The following PREX2 variants were observed in gnomAD, a reference collection of about 807,000 sequenced individuals.
PREX2 encodes phosphatidylinositol 3,4,5-trisphosphate-dependent Rac exchanger 2 protein.
PREX2 carries 107 observed loss-of-function variants against 203.2 expected under a neutral mutation model. The observed-to-expected ratio is 0.53, with a 90% CI of 0.45 to 0.62. The LOEUF is 0.62. PREX2 is among the 20% of genes least tolerant of loss of function. PREX2 has a pLI of 0.00. For missense variants in PREX2, 1,777 were observed against 1,955.9 expected, an observed-to-expected ratio of 0.91 and a Z score of 1.72; for synonymous variants, 672 against 663.6, an observed-to-expected ratio of 1.01 and a Z score of -0.19.
intron 1 of PREX2, among the ~76,000 whole-genome samples, chr8:67,997,771 A>G (rs916842813): frequency 2.0e-5 from 3 of 152,144 alleles, no homozygotes. Context: ...ATCAGTTCTC[A>G]ATATCTTAAA....
At chr8:68,071,414 G>T (rs1809191807) in intron 13 of PREX2, among the ~76,000 whole-genome samples, 2 of 152,164 alleles carry the variant, frequency 1.3e-5, no homozygotes, top group South Asian at 4.1e-4. Flanking sequence ...TGGAAAACAA[G>T]ATGAAATGGG....
chr8:68,199,982 A>G (rs544916969), intron 37 of PREX2, among the ~76,000 whole-genome samples: 10 of 152,314 alleles, frequency 6.6e-5, no homozygotes, highest in African/African-American at 2.4e-4. Flanking sequence ...GGGGATTTCT[A>G]TATGTAGGTT....
intron 31 of PREX2, among the ~76,000 whole-genome samples, chr8:68,133,309 T>G (rs565077180): frequency 6.6e-6 from 1 of 152,242 alleles, no homozygotes; most frequent in South Asian, 2.1e-4. Context: ...GGGATTACAA[T>G]TCAAGATGAG....
intron 39 of PREX2, among the ~76,000 whole-genome samples, chr8:68,229,275 A>T (rs1021828657): frequency 2.0e-5 from 3 of 152,112 alleles, no homozygotes; most frequent in Non-Finnish European, 1.5e-5. Context: ...CCAAAACCAA[A>T]CCTTTTTCGT....
chr8:68,202,186 C>T (rs1028169565), intron 37 of PREX2, among the ~76,000 whole-genome samples: 4 of 152,186 alleles, frequency 2.6e-5, no homozygotes, highest in African/African-American at 9.6e-5. Context: ...AGGGGTGAGC[C>T]ACTGCCCCCA....
At position 68,049,887 on chromosome 8, in the gene PREX2, C is replaced by T. The variant is rs527502974; in HGVS notation, c.944-3210C>T. On this transcript the variant is annotated intron_variant, in intron 8 of 39. Coordinates refer to ENST00000288368, the MANE Select transcript of PREX2 (RefSeq NM_024870.4). ...ATATATGAAGATATTGAACAATGTG[C>T]TATGATTAAAATTGTGAAGCTATTA... 5.3e-5 allele frequency among the ~76,000 whole-genome samples: 8 copies of T among 151,694 alleles called. No individual in the cohort carries two copies. In the East Asian group the frequency reaches 1.6e-3, roughly 30 times the overall value.
intron 1 of PREX2, among the ~76,000 whole-genome samples, chr8:67,999,542 A>T (rs1806878521): frequency 6.6e-6 from 1 of 151,924 alleles, no homozygotes; most frequent in Non-Finnish European, 1.5e-5. Context: ...AGACATACAA[A>T]GAAGAGCTGG....
intron 34 of PREX2, among the ~76,000 whole-genome samples, chr8:68,151,064 G>T (rs1306962718): frequency 6.6e-6 from 1 of 151,856 alleles, no homozygotes; most frequent in African/African-American, 2.4e-5. Context: ...ATTGGATTTG[G>T]GCCTATCATA....
At chr8:68,075,731 C>T (rs1350406305) in intron 14 of PREX2, among the ~76,000 whole-genome samples, 1 of 152,152 alleles carries the variant, frequency 6.6e-6, no homozygotes, top group African/African-American at 2.4e-5. Flanking sequence ...TGAATGAATG[C>T]ATAAAAATTA....
chr8:68,201,994 C>T (rs1329446603), intron 37 of PREX2, among the ~76,000 whole-genome samples: 1 of 150,922 alleles, frequency 6.6e-6, no homozygotes, highest in Non-Finnish European at 1.5e-5. Context: ...GCAACCTCCA[C>T]CTCCTGGGTT....
chr8:68,067,328 A>T (rs1809046170), intron 11 of PREX2, among the ~76,000 whole-genome samples: 1 of 152,092 alleles, frequency 6.6e-6, no homozygotes, highest in Non-Finnish European at 1.5e-5. Context: ...ACATTTTAAC[A>T]ATATTAATTC....
intron 38 of PREX2, among the ~76,000 whole-genome samples, chr8:68,222,502 C>G (rs1287554822): frequency 6.6e-6 from 1 of 150,654 alleles, no homozygotes; most frequent in Non-Finnish European, 1.5e-5. Context: ...TATGAGTCCA[C>G]ACTGATTTAA....
chr8:68,132,590 G>A lies in PREX2; in HGVS notation c.3767-1469G>A, dbSNP rs190938291. ...ATTATGTGTACACATGCCTTTGATG[G>A]TTATTAAAAACAGATGTTCAGTGTT... On this transcript the variant is annotated intron_variant, in intron 31 of 39. Coordinates refer to ENST00000288368, the MANE Select transcript of PREX2 (RefSeq NM_024870.4). Among the ~76,000 whole-genome samples the A allele has an allele frequency of 1.8e-3, 278 of 152,142 alleles. 1 individual carries two copies. Among genetic ancestry groups the A allele is most frequent in the Non-Finnish European group, 3.0e-3 (203 of 67,994 alleles).
chr8:68,124,437 A>G (rs1419314798), intron 30 of PREX2, among the ~76,000 whole-genome samples: 2 of 152,158 alleles, frequency 1.3e-5, no homozygotes, highest in Non-Finnish European at 2.9e-5. Context: ...AAGCTAAATG[A>G]TGAGAACACA....
chr8:68,095,012 T>G (rs1810011989), intron 21 of PREX2: 1 of 152,164 alleles, frequency 6.6e-6, no homozygotes, highest in Non-Finnish European at 1.5e-5. Context: ...TTATAAAGGA[T>G]AAGAAGTGAA....
chr8:68,027,115 A>T, intron 4 of PREX2, 107 bp from the exon 5 acceptor site: 1 of 767,996 alleles, frequency 1.3e-6, no homozygotes, highest in South Asian at 1.5e-5. Flanking sequence ...GAAAGAAAGT[A>T]TATGAAGACA....
chr8:68,120,791 G>C, intron 29 of PREX2, 130 bp from the exon 30 acceptor site: 1 of 703,940 alleles, frequency 1.4e-6, no homozygotes, highest in South Asian at 2.2e-5. Context: ...TTTTCTGATG[G>C]TGTGGCAAAA....
intron 11 of PREX2, 60 bp from the exon 12 acceptor site, chr8:68,068,973 C>T: frequency 1.6e-6 from 1 of 632,486 alleles, no homozygotes; most frequent in Non-Finnish European, 2.6e-6. Flanking sequence ...AATTTATTTG[C>T]TGTTTATCTG....
intron 35 of PREX2, among the ~76,000 whole-genome samples, chr8:68,175,822 A>G (rs1018537855): frequency 6.6e-6 from 1 of 152,058 alleles, no homozygotes; most frequent in Non-Finnish European, 1.5e-5. Context: ...ACATAATATT[A>G]TATATGGTAA....
Sources: gnomAD v4.1 joint callset for allele counts (sites outside exome capture counted in the v4.1 genomes callset) on GRCh38, gnomAD v4.1.1 for gene constraint, MANE v1.5 for transcripts, NCBI Gene and HGNC (gene_info 2026-07-23, HGNC 2026-07-21) for gene names.